The following ROBO2 variants were observed in gnomAD, a reference collection of about 807,000 sequenced individuals.
ROBO2 encodes roundabout guidance receptor 2.
ROBO2 carries 53 observed loss-of-function variants against 160.8 expected under a neutral mutation model. The ratio of observed to expected loss-of-function variants is 0.33; its 90% CI spans 0.26 to 0.41. The LOEUF (loss-of-function observed/expected upper bound fraction) is 0.41. Ranked by LOEUF, ROBO2 falls within the 10% of genes least tolerant of loss-of-function variation. The probability of loss-of-function intolerance (pLI) is 1.00; values close to 1 mark genes in which losing one functional copy is unlikely to be tolerated. For missense variants in ROBO2, 1,577 were observed against 1,722.4 expected, an observed-to-expected ratio of 0.92 and a Z score of 1.49; for synonymous variants, 664 against 611.7, an observed-to-expected ratio of 1.09 and a Z score of -1.26.
chr3:77,187,893 A>G (rs149815795), intron 2 of ROBO2, among the ~76,000 whole-genome samples: 37 of 152,072 alleles, frequency 2.4e-4, no homozygotes, highest in African/African-American at 8.2e-4. Flanking sequence ...AAAACTCAGT[A>G]AGGGATGAAA....
At chr3:76,987,696 C>CGG (rs2060459818) in intron 2 of ROBO2, among the ~76,000 whole-genome samples, 1 of 152,022 alleles carries the variant, frequency 6.6e-6, no homozygotes, top group African/African-American at 2.4e-5. Flanking sequence ...TTCTTTAATA[C>CGG]CCCCTTTCAA....
chr3:75,967,198 A>G (rs1324443901), intron 2 of ROBO2, among the ~76,000 whole-genome samples: 1 of 151,646 alleles, frequency 6.6e-6, no homozygotes, highest in East Asian at 2.0e-4. Flanking sequence ...AAGTATCTCA[A>G]GCTGAAATGA....
At chr3:76,947,848 G>A (rs1171572987) in intron 2 of ROBO2, among the ~76,000 whole-genome samples, 1 of 152,064 alleles carries the variant, frequency 6.6e-6, no homozygotes, top group Non-Finnish European at 1.5e-5. Flanking sequence ...TATTGCTGCT[G>A]TTGTTCTATT....
At chr3:76,606,434 T>G (rs2087663020) in intron 2 of ROBO2, among the ~76,000 whole-genome samples, 1 of 152,208 alleles carries the variant, frequency 6.6e-6, no homozygotes, top group Admixed American at 6.5e-5. Flanking sequence ...ACTGAAAGCT[T>G]CTAAGCCCTG....
intron 2 of ROBO2, among the ~76,000 whole-genome samples, chr3:76,247,685 C>G (rs1162602721): frequency 6.6e-6 from 1 of 152,084 alleles, no homozygotes; most frequent in East Asian, 1.9e-4. Context: ...CATTCTTCAA[C>G]TCGCATCTTA....
chr3:76,141,283 T>C (rs2071659314), intron 2 of ROBO2, among the ~76,000 whole-genome samples: 1 of 145,920 alleles, frequency 6.9e-6, no homozygotes, highest in African/African-American at 2.5e-5. Context: ...GATAGCCAAT[T>C]TGAATCTTAA....
In ROBO2 at chr3:76,168,089, A is replaced by T. The variant is rs143868336; in HGVS notation, c.109+230487A>T. Among the ~76,000 whole-genome samples the T allele has an allele frequency of 7.9e-3, 1,200 of 152,302 alleles. 10 individuals are homozygous for T. The highest frequency in any genetic ancestry group is 0.018 in the South Asian group (85 of 4,830). On this transcript the variant is annotated intron_variant, in intron 2 of 26. Coordinates refer to the ROBO2 transcript ENST00000487694. ...CCTTTGTCTATTTTTATATTGCCAA[A>T]CTACTCATTAACTGCTGAAAGAAAG...
At chr3:77,534,743 T>C (rs994134624) in intron 6 of ROBO2, among the ~76,000 whole-genome samples, 5 of 152,192 alleles carry the variant, frequency 3.3e-5, no homozygotes, top group Admixed American at 2.6e-4. Flanking sequence ...TTATGGCAAG[T>C]ATTGCTTTCC....
At chr3:76,083,479 T>G (rs568994185) in intron 2 of ROBO2, among the ~76,000 whole-genome samples, 1 of 152,140 alleles carries the variant, frequency 6.6e-6, no homozygotes, top group Non-Finnish European at 1.5e-5. Context: ...TTTGTTTTGT[T>G]TTTTAGCAAC....
At chr3:76,352,634 G>T (rs938059046) in intron 2 of ROBO2, among the ~76,000 whole-genome samples, 1 of 151,874 alleles carries the variant, frequency 6.6e-6, no homozygotes, top group South Asian at 2.1e-4. Flanking sequence ...AAATGGTCCC[G>T]AAAACTTGGG....
intron 2 of ROBO2, among the ~76,000 whole-genome samples, chr3:77,281,259 AT>A (rs1044647896): frequency 1.3e-5 from 2 of 152,176 alleles, no homozygotes; most frequent in Non-Finnish European, 1.5e-5. Flanking sequence ...TGTTGTCCAG[AT>A]TAGATTTGCT....
intron 2 of ROBO2, among the ~76,000 whole-genome samples, chr3:76,015,315 G>T (rs987155215): frequency 1.3e-5 from 2 of 152,066 alleles, no homozygotes; most frequent in Admixed American, 1.3e-4. Flanking sequence ...ATGTTAACTT[G>T]TCATGTATAC....
At chr3:76,551,769 C>CTTTTGTATG (rs1370265624) in intron 2 of ROBO2, among the ~76,000 whole-genome samples, 1 of 152,176 alleles carries the variant, frequency 6.6e-6, no homozygotes, top group Non-Finnish European at 1.5e-5. Context: ...ACATCAGATC[C>CTTTTGTATG]AACTGCAGCC....
intron 2 of ROBO2, among the ~76,000 whole-genome samples, chr3:77,221,311 G>T (rs1015447824): frequency 6.6e-6 from 1 of 152,170 alleles, no homozygotes; most frequent in East Asian, 1.9e-4. Context: ...CTTTTAAAAT[G>T]AGTTGTATAG....
intron 2 of ROBO2, among the ~76,000 whole-genome samples, chr3:76,471,182 C>T (rs558219241): frequency 4.3e-4 from 66 of 152,132 alleles, no homozygotes; most frequent in Non-Finnish European, 7.6e-4. Context: ...TTGAGGGCAG[C>T]GACAAACTAT....
rs368323501 is a variant in ROBO2 at position 77,023,937 on chromosome 3, T to C, written c.110-74077T>C. ...TATATTTTTGAAAATTCAGAACATATACAGTATGCCTTATAGTTATAAATA... is the reference window on the plus strand; with the variant it reads ...TATATTTTTGAAAATTCAGAACATACACAGTATGCCTTATAGTTATAAATA... On this transcript the variant is annotated intron_variant, in intron 2 of 26. Coordinates refer to the ROBO2 transcript ENST00000487694. 3.2e-4 allele frequency among the ~76,000 whole-genome samples: 49 copies of C among 152,322 alleles called. 1 individual carries two copies. The South Asian group carries it at 9.5e-3, about 30-fold the overall frequency.
chr3:76,690,872 T>C (rs1278057825), intron 2 of ROBO2, among the ~76,000 whole-genome samples: 1 of 152,052 alleles, frequency 6.6e-6, no homozygotes. Context: ...GCTATGCATG[T>C]GCCTTCTAAA....
At chr3:77,438,279 T>C (rs1229649170) in intron 2 of ROBO2, among the ~76,000 whole-genome samples, 1 of 151,678 alleles carries the variant, frequency 6.6e-6, no homozygotes, top group African/African-American at 2.4e-5. Context: ...CTGAGAGGGA[T>C]GAGCAAATGG....
At chr3:77,264,537 TG>T (rs200257157) in intron 2 of ROBO2, among the ~76,000 whole-genome samples, 13 of 135,484 alleles carry the variant, frequency 9.6e-5, no homozygotes, top group Admixed American at 3.0e-4. Flanking sequence ...ATGTTCATAA[TG>T]TTTTTTTTTA....
Sources: allele counts gnomAD v4.1 joint callset (sites outside exome capture counted in the v4.1 genomes callset), GRCh38; gene constraint gnomAD v4.1.1; transcripts MANE v1.5; gene names NCBI Gene and HGNC (gene_info 2026-07-23, HGNC 2026-07-21).